The following GTF3C2 variants were observed in gnomAD, a reference collection of about 807,000 sequenced individuals.
The protein encoded by GTF3C2 is general transcription factor 3C polypeptide 2.
In GTF3C2, 17 loss-of-function variants were observed where a neutral mutation model predicts 117.4. The ratio of observed to expected loss-of-function variants is 0.14; its 90% CI spans 0.10 to 0.22. The LOEUF is 0.22. GTF3C2 is among the 10% of genes least tolerant of loss of function. The probability of loss-of-function intolerance (pLI) is 1.00; values close to 1 mark genes in which losing one functional copy is unlikely to be tolerated. For synonymous variants in GTF3C2, 437 were observed against 427.0 expected (o/e 1.02, Z -0.29); for missense variants, 888 against 1,143.6 (o/e 0.78, Z 3.22).
intron 4 of GTF3C2, chr2:27,340,624 C>T (rs1680694054): frequency 6.6e-6 from 1 of 150,376 alleles, no homozygotes; most frequent in Admixed American, 6.7e-5. Context: ...ATAACTGAAA[C>T]TGTCTTTTTT....
chr2:27,332,341 ATCTT>A (rs527881161), intron 12 of GTF3C2, among the ~76,000 whole-genome samples: 13 of 151,184 alleles, frequency 8.6e-5, no homozygotes, highest in East Asian at 4.0e-4. Context: ...CTTTCCTCTA[ATCTT>A]TCTATTTTTA....
intron 1 of GTF3C2, among the ~76,000 whole-genome samples, chr2:27,352,760 C>A (rs958879503): frequency 1.3e-5 from 2 of 152,044 alleles, no homozygotes; most frequent in Middle Eastern, 3.2e-3. Context: ...TATTGTCCCC[C>A]AACTCATCAG....
chr2:27,329,573 T>C lies in GTF3C2; in HGVS notation c.1733-50A>G, dbSNP rs1250308587. The C allele has an allele frequency of 6.3e-7, 1 of 1,584,184 alleles. No homozygotes were observed. The highest frequency in any genetic ancestry group is 8.6e-7 in the Non-Finnish European group (1 of 1,157,818). ...GCATTAAAAGCAAGTTCTCTCTTCC[T>C]TGCTCTAATTTCTTTCTCTGGGCTC... On this transcript the variant is annotated intron_variant, in intron 12 of 18. Coordinates refer to ENST00000264720, the Ensembl canonical transcript of GTF3C2. This position sits in a 1 kb window ranked among gnomAD's most constrained non-coding sequence, Gnocchi z 4.5.
chr2:27,339,187 T>C (rs1680619785), intron 4 of GTF3C2, among the ~76,000 whole-genome samples: 2 of 151,782 alleles, frequency 1.3e-5, no homozygotes, highest in Admixed American at 6.6e-5. Flanking sequence ...GGCGGGCGGA[T>C]CACGAGGTCA....
chr2:27,338,203 A>T, intron 4 of GTF3C2, 183 bp from the exon 5 acceptor site: 1 of 588,402 alleles, frequency 1.7e-6, no homozygotes, highest in Non-Finnish European at 3.0e-6. Context: ...CTTCTGCTCT[A>T]CTCCTCCATC....
At chr2:27,351,506 A>G (rs1040486841) in intron 1 of GTF3C2, among the ~76,000 whole-genome samples, 2 of 152,142 alleles carry the variant, frequency 1.3e-5, no homozygotes, top group African/African-American at 4.8e-5. Context: ...ATGGCTCCAT[A>G]AACAAGTTGT....
intron 1 of GTF3C2, among the ~76,000 whole-genome samples, chr2:27,349,662 G>A (rs1450471349): frequency 4.7e-5 from 7 of 150,068 alleles, no homozygotes; most frequent in East Asian, 4.0e-4. Flanking sequence ...TTTTTGAGAC[G>A]GAGCCTCTCT....
At chr2:27,341,659 C>T (rs903636150) in intron 4 of GTF3C2, 4 of 382,014 alleles carry the variant, frequency 1.0e-5, no homozygotes, top group Non-Finnish European at 1.9e-5. Flanking sequence ...TGGGGTAGTG[C>T]TGATTGCACT....
exon 4 of GTF3C2, chr2:27,342,153 T>C (rs754217395): frequency 1.2e-6 from 2 of 1,613,998 alleles, no homozygotes; most frequent in African/African-American, 1.3e-5. Flanking sequence ...GCTGCTCACC[T>C]TGGGGCCCTC....
At chr2:27,333,510 T>C in intron 12 of GTF3C2, 145 bp downstream of exon 12, 1 of 617,066 alleles carries the variant, frequency 1.6e-6, no homozygotes, top group Non-Finnish European at 2.8e-6. Flanking sequence ...GTGACTTATT[T>C]CTTTCTATTT....
At chr2:27,352,377 C>T (rs1168553172) in intron 1 of GTF3C2, among the ~76,000 whole-genome samples, 1 of 152,156 alleles carries the variant, frequency 6.6e-6, no homozygotes, top group Non-Finnish European at 1.5e-5. Context: ...AAACCAAAGC[C>T]GTTAGGTGGG....
intron 1 of GTF3C2, among the ~76,000 whole-genome samples, chr2:27,355,513 T>A (rs973421889): frequency 1.4e-5 from 2 of 138,386 alleles, no homozygotes; most frequent in Non-Finnish European, 3.1e-5. Context: ...AGAACAAAAC[T>A]CCGTATCAAA....
chr2:27,327,143 A>G (rs756532324), intron 18 of GTF3C2, 34 bp downstream of exon 18: 1 of 1,152,742 alleles, frequency 8.7e-7, no homozygotes, highest in South Asian at 1.3e-5. Context: ...CTGGGGGGAA[A>G]TGAGAGTGGA....
At chr2:27,332,046 A>G (rs1345190357) in intron 12 of GTF3C2, among the ~76,000 whole-genome samples, 1 of 152,224 alleles carries the variant, frequency 6.6e-6, no homozygotes, top group Admixed American at 6.5e-5. Flanking sequence ...AGTGTCGCTT[A>G]TAGTGAAGGA....
Position 27,338,026 on chromosome 2 carries a change from G to A in GTF3C2, c.856-6C>T, listed in dbSNP as rs1231292927. On this transcript the variant is annotated splice_polypyrimidine_tract_variant and splice_region_variant and intron_variant, in intron 4 of 18. Coordinates refer to ENST00000264720, the Ensembl canonical transcript of GTF3C2. ...CGGCAGTGTGGTTTCTGTTTCTGAG[G>A]ATCAAATTGAAGAAAATATAAGGGA... 3 of 1,576,098 alleles carry A rather than the reference G, an allele frequency of 1.9e-6. No individual in the cohort carries two copies. Among genetic ancestry groups the A allele is most frequent in the Admixed American group, 1.7e-5 (1 of 59,932 alleles).
At chr2:27,344,024 C>CT (rs1680834259) in intron 1 of GTF3C2, among the ~76,000 whole-genome samples, 1 of 137,580 alleles carries the variant, frequency 7.3e-6, no homozygotes, top group Non-Finnish European at 1.6e-5. Context: ...ATAAAGCTTC[C>CT]ATTTTTTTTT....
chr2:27,342,230 T>C, exon 4 of GTF3C2: 2 of 1,605,768 alleles, frequency 1.2e-6, no homozygotes, highest in African/African-American at 1.3e-5. Context: ...GATACAGAAG[T>C]GCCCTGTGGG....
At chr2:27,355,986 A>T (rs569068790) in intron 1 of GTF3C2, 2 of 667,574 alleles carry the variant, frequency 3.0e-6, no homozygotes, top group South Asian at 2.9e-5. Flanking sequence ...AGAACTATTC[A>T]GAAAACAATA....
At chr2:27,341,676 T>G in intron 4 of GTF3C2, 1 of 426,872 alleles carries the variant, frequency 2.3e-6, no homozygotes, top group Non-Finnish European at 4.3e-6. Context: ...CACTGTGAAC[T>G]TGTGAGGCAG....
Sources: allele counts gnomAD v4.1 joint callset (sites outside exome capture counted in the v4.1 genomes callset), GRCh38; gene constraint gnomAD v4.1.1; non-coding constraint Gnocchi (gnomAD v3.1); transcripts MANE v1.5; gene names NCBI Gene and HGNC (gene_info 2026-07-23, HGNC 2026-07-21).